The following ZNF19 variants were observed in gnomAD, a reference collection of about 807,000 sequenced individuals.
The protein encoded by ZNF19 is zinc finger protein 19, also known as zinc finger protein 19 (KOX 12).
In ZNF19, 11 loss-of-function variants were observed where a neutral mutation model predicts 13.1. That is an observed-to-expected ratio of 0.84 (90% CI 0.53 to 1.39). The LOEUF is 1.39. Among genes scored for constraint, ZNF19 ranks in the 40% most tolerant of loss-of-function variants. The pLI is 0.00. For synonymous variants in ZNF19, 186 were observed against 187.0 expected, an observed-to-expected ratio of 0.99 and a Z score of 0.04; for missense variants, 560 against 547.0, an observed-to-expected ratio of 1.02 and a Z score of -0.24.
chr16:71,484,508 G>C, intron 2 of ZNF19, 81 bp downstream of exon 2: 2 of 985,416 alleles, frequency 2.0e-6, no homozygotes, highest in Non-Finnish European at 2.4e-6. Flanking sequence ...TGAGGCAGCA[G>C]GGACGAAGCC....
At chr16:71,484,844 G>T in intron 1 of ZNF19, 96 bp from the exon 2 acceptor site, 2 of 521,128 alleles carry the variant, frequency 3.8e-6, no homozygotes, top group Non-Finnish European at 2.5e-6. Context: ...TGTAGTATCA[G>T]CCGTATCTGT....
At chr16:71,485,242 G>C (rs2043669195) in intron 1 of ZNF19, among the ~76,000 whole-genome samples, 1 of 152,062 alleles carries the variant, frequency 6.6e-6, no homozygotes, top group Non-Finnish European at 1.5e-5. Flanking sequence ...CTGAGGTCAG[G>C]AGTTCGAGAC....
Position 71,473,690 on chromosome 16 carries a change from T to A in ZNF19, c.*1480A>T, listed in dbSNP as rs1297074159. 1 of 152,136 alleles carries A rather than the reference T, an allele frequency of 6.6e-6. No homozygotes were observed. The highest frequency in any genetic ancestry group is 6.5e-5 in the Admixed American group (1 of 15,270). 9.4% of individuals were successfully genotyped at this position (152,136 alleles called of 1,614,324 possible). On this transcript the variant is annotated 3_prime_UTR_variant, in exon 6 of 6. Coordinates refer to ENST00000288177, the MANE Select transcript of ZNF19 (RefSeq NM_006961.4). ...ACCTCCGCCTCCCGGGTTCAAGCAATTCGCCTGCCCCAGCTTCCTGAGCAG... is the reference window on the plus strand; with the variant it reads ...ACCTCCGCCTCCCGGGTTCAAGCAAATCGCCTGCCCCAGCTTCCTGAGCAG...
intron 1 of ZNF19, among the ~76,000 whole-genome samples, chr16:71,486,180 C>T (rs1011912266): frequency 5.7e-5 from 5 of 87,698 alleles, no homozygotes; most frequent in Non-Finnish European, 6.6e-5. Context: ...CTGTCTCTAC[C>T]GAAAAAAAAA....
chr16:71,485,030 C>A (rs556634378), intron 1 of ZNF19, among the ~76,000 whole-genome samples: 1 of 152,252 alleles, frequency 6.6e-6, no homozygotes, highest in South Asian at 2.1e-4. Context: ...ATTTCTGTAT[C>A]ACAAATTCTA....
At chr16:71,484,016 T>A (rs141924462) in intron 2 of ZNF19, among the ~76,000 whole-genome samples, 76 of 152,298 alleles carry the variant, frequency 5.0e-4, no homozygotes, top group African/African-American at 1.7e-3. Flanking sequence ...TAGTGAAGGA[T>A]CAAGAACACT....
intron 4 of ZNF19, 101 bp from the exon 5 acceptor site, chr16:71,478,442 G>A: frequency 1.2e-6 from 1 of 849,256 alleles, no homozygotes; most frequent in Non-Finnish European, 2.0e-6. Flanking sequence ...CACAGAAGAG[G>A]GTTCTCGACT....
In ZNF19 at chr16:71,484,720, G is replaced by A. The variant is rs1373090065; in HGVS notation, c.-161C>T. The A allele has an allele frequency of 1.1e-5, 11 of 985,296 alleles. No homozygotes were observed. The highest frequency in any genetic ancestry group is 1.3e-5 in the Non-Finnish European group (11 of 829,942). 61.0% of individuals were successfully genotyped at this position (985,296 alleles called of 1,614,324 possible). A position where few individuals can be genotyped will look rare whatever the true frequency, so the allele number is the denominator to read the frequency against. ...TGGTTGTGTGGTTTTACTCCCGGGA[G>A]GAGTTTCCACCCGGGGATCCTCAGA... On this transcript the variant is annotated 5_prime_UTR_variant, in exon 2 of 6. Coordinates refer to ENST00000288177, the MANE Select transcript of ZNF19 (RefSeq NM_006961.4).
intron 5 of ZNF19, 120 bp downstream of exon 5, chr16:71,478,108 A>G (rs1249003950): frequency 5.9e-6 from 4 of 675,834 alleles, no homozygotes; most frequent in Non-Finnish European, 7.7e-6. Context: ...GAAACGTTTC[A>G]TATTTTACCT....
intron 2 of ZNF19, among the ~76,000 whole-genome samples, chr16:71,484,270 C>A (rs2043658683): frequency 6.6e-6 from 1 of 152,264 alleles, no homozygotes; most frequent in Admixed American, 6.5e-5. Context: ...AGAGCAGGAA[C>A]TGGCACATAG....
In ZNF19 at chr16:71,478,313, G is replaced by T. The variant is rs1358296690; in HGVS notation, c.189C>A (p.Ile63=). The T allele has an allele frequency of 6.2e-7, 1 of 1,613,978 alleles. No homozygotes were observed. Among genetic ancestry groups the T allele is most frequent in the Non-Finnish European group, 8.5e-7 (1 of 1,179,960 alleles). ...CCATGTCCCCTCTCTCCAAAAGTGAGATCAGTGCAGGTTTGGGAACTGGGT... is the reference window on the plus strand; with the variant it reads ...CCATGTCCCCTCTCTCCAAAAGTGATATCAGTGCAGGTTTGGGAACTGGGT... The part of the protein sequence containing the change: ...LGYPVPKPAL[I]SLLERGDMAW... Residue 63 remains isoleucine, a synonymous_variant, in exon 5 of 6, where the codon ATC becomes ATA. Coordinates refer to ENST00000288177, the MANE Select transcript of ZNF19 (RefSeq NM_006961.4).
In ZNF19 at chr16:71,473,889, T is replaced by C. The variant is rs1351511636; in HGVS notation, c.*1281A>G. 1.3e-5 allele frequency: 2 copies of C among 152,258 alleles called. No homozygotes were observed. Among genetic ancestry groups the C allele is most frequent in the Admixed American group, 1.3e-4 (2 of 15,284 alleles). 9.4% of individuals were successfully genotyped at this position (152,258 alleles called of 1,614,324 possible). On this transcript the variant is annotated 3_prime_UTR_variant, in exon 6 of 6. Transcript: ENST00000288177. ...TGAGCCACCGCGCCTGGCTGACTCA[T>C]GCATTTTTATGTTTGTGTTATACTT... is the stretch of plus-strand genomic sequence containing the variant.
rs1211586092 is a variant in ZNF19, at chr16:71,478,975, G to A, written c.64C>T (p.His22Tyr). 1 of 1,614,072 alleles carries A rather than the reference G, an allele frequency of 6.2e-7. No homozygotes were observed. Among genetic ancestry groups the A allele is most frequent in the African/African-American group, 1.3e-5 (1 of 74,942 alleles). ...CCAGTCCATTCTGTCTTGGTGAAGT[G>A]CACAGCCACATCCTCGAAGGTCACC... is the stretch of plus-strand genomic sequence containing the variant. ...EMVTFEDVAV[H>Y]FTKTEWTGLS... The change falls in exon 4 of 6, where the codon CAC becomes TAC. Residue 22 changes from histidine (H) to tyrosine (Y), a missense_variant. Physicochemically the swap from His to Tyr is moderately conservative, Grantham distance 83 (BLOSUM62 2). Transcript: ENST00000288177.
chr16:71,478,606 C>T (rs1030127029), intron 4 of ZNF19: 5 of 664,602 alleles, frequency 7.5e-6, no homozygotes, highest in Non-Finnish European at 1.1e-5. Context: ...ACAACTACTA[C>T]TTATTCCTTA....
intron 2 of ZNF19, among the ~76,000 whole-genome samples, 197 bp downstream of exon 2, chr16:71,484,392 C>T (rs1311145347): frequency 1.3e-5 from 2 of 152,222 alleles, no homozygotes; most frequent in African/African-American, 4.8e-5. Context: ...TTTCCCAAGG[C>T]GCCGATGCAG....
At chr16:71,486,018 G>A (rs374382542) in intron 1 of ZNF19, among the ~76,000 whole-genome samples, 1 of 152,050 alleles carries the variant, frequency 6.6e-6, no homozygotes, top group Non-Finnish European at 1.5e-5. Context: ...GAGGTTGCAG[G>A]TGGAATTAAG....
rs200536869 is a variant in ZNF19, at chr16:71,478,291, T to C, written c.211A>G (p.Met71Val). ...ALISLLERGDMAWGLEAQDDP... is the reference protein window; with the variant it reads ...ALISLLERGDVAWGLEAQDDP... The stretch of plus-strand genomic sequence containing the variant: ...TCCTGTGCTTCCAGGCCCCAAGCCA[T>C]GTCCCCTCTCTCCAAAAGTGAGATC... Residue 71 changes from methionine (M) to valine (V), a missense_variant, in exon 5 of 6, where the codon ATG (methionine) becomes GTG (valine). Physicochemically the swap from Met to Val is conservative, Grantham distance 21. Coordinates refer to ENST00000288177, the MANE Select transcript of ZNF19 (RefSeq NM_006961.4). The C allele has an allele frequency of 5.6e-6, 9 of 1,613,938 alleles. No individual in the cohort carries two copies. The African/African-American group carries it at 9.3e-5, about 17-fold the overall frequency.
intron 1 of ZNF19, among the ~76,000 whole-genome samples, chr16:71,486,518 A>G (rs1386848677): frequency 6.6e-6 from 1 of 152,214 alleles, no homozygotes; most frequent in African/African-American, 2.4e-5. Flanking sequence ...GGAAGGGGCC[A>G]AGGGTCAAGG....
chr16:71,482,150 G>T lies in ZNF19; in HGVS notation c.-29-7C>A, dbSNP rs376780104. ...CCCTCTTAGCAGGCAAAGGCTGAGG[G>T]AAGAAACAGAGAGAACCAACAGTGA... is the stretch of plus-strand genomic sequence containing the variant. On this transcript the variant is annotated splice_region_variant and splice_polypyrimidine_tract_variant and intron_variant, in intron 2 of 5. Transcript: ENST00000288177. 6.2e-7 allele frequency: 1 copy of T among 1,613,346 alleles called. No homozygotes were observed. Among genetic ancestry groups the T allele is most frequent in the African/African-American group, 1.3e-5 (1 of 74,920 alleles).
Sources: allele counts gnomAD v4.1 joint callset (sites outside exome capture counted in the v4.1 genomes callset), GRCh38; gene constraint gnomAD v4.1.1; transcripts MANE v1.5; gene names NCBI Gene and HGNC (gene_info 2026-07-23, HGNC 2026-07-21).